The following ITGA8 variants were observed in gnomAD, a reference collection of about 807,000 sequenced individuals.
ITGA8 encodes integrin subunit alpha 8.
A neutral mutation model predicts 142.3 loss-of-function variants in ITGA8; 91 were observed. That is an observed-to-expected ratio of 0.64 (90% CI 0.54 to 0.76). ITGA8 has a LOEUF of 0.76. Ranked by LOEUF, ITGA8 falls within the 30% of genes least tolerant of loss-of-function variation. The probability of loss-of-function intolerance (pLI) is 0.00; values close to 1 mark genes in which losing one functional copy is unlikely to be tolerated. For missense variants in ITGA8, 1,406 were observed against 1,327.7 expected (o/e 1.06, Z -0.92); for synonymous variants, 505 against 485.2 (o/e 1.04, Z -0.54).
chr10:15,666,395 T>G (rs1008849296), intron 8 of ITGA8, among the ~76,000 whole-genome samples: 1 of 152,230 alleles, frequency 6.6e-6, no homozygotes, highest in Non-Finnish European at 1.5e-5. Flanking sequence ...CTGAAGTTGC[T>G]TATCAGCTTG....
At chr10:15,627,935 C>G (rs1194367288) in intron 13 of ITGA8, among the ~76,000 whole-genome samples, 1 of 150,766 alleles carries the variant, frequency 6.6e-6, no homozygotes, top group Non-Finnish European at 1.5e-5. Context: ...AGAAGTCGGT[C>G]AAAACCACCA....
At chr10:15,719,001 G>C in intron 1 of ITGA8, 102 bp from the exon 2 acceptor site, 1 of 1,533,746 alleles carries the variant, frequency 6.5e-7, no homozygotes, top group Non-Finnish European at 8.9e-7. Flanking sequence ...GGGCAGGCGT[G>C]GAGGGCATGA....
rs1834272555 is a variant in ITGA8, at chr10:15,660,888, A to T, written c.882T>A (p.Asn294Lys). The T allele has an allele frequency of 6.2e-7, 1 of 1,613,598 alleles. No homozygotes were observed. Among genetic ancestry groups the T allele is most frequent in the South Asian group, 1.1e-5 (1 of 91,078 alleles). ...CATTCTCAGTACTCACATATCCAAA[A>T]TTCTGTGCTCCTCTTGGAATTCCAG... Reference protein sequence around the residue: ...LVAGIPRGAQNFGYVSIINST... With the variant: ...LVAGIPRGAQKFGYVSIINST... The change falls in exon 9 of 30, where the codon AAT (asparagine) becomes AAA (lysine). Residue 294 changes from asparagine (N) to lysine (K), a missense_variant. Physicochemically the swap from Asn to Lys is moderately conservative, Grantham distance 94. Coordinates refer to ENST00000378076, the MANE Select transcript of ITGA8 (RefSeq NM_003638.3).
At chr10:15,698,907 TC>T in intron 2 of ITGA8, among the ~76,000 whole-genome samples, 1 of 152,328 alleles carries the variant, frequency 6.6e-6, no homozygotes, top group Admixed American at 6.5e-5. Context: ...CAGAGTCTTT[TC>T]AGTTTAATTA....
At chr10:15,688,729 T>A (rs1834878820) in intron 2 of ITGA8, among the ~76,000 whole-genome samples, 1 of 152,126 alleles carries the variant, frequency 6.6e-6, no homozygotes, top group South Asian at 2.1e-4. Context: ...CCCACATTAA[T>A]GAGATGAAGG....
chr10:15,606,136 C>T, intron 18 of ITGA8, 149 bp downstream of exon 18: 1 of 679,674 alleles, frequency 1.5e-6, no homozygotes, highest in Non-Finnish European at 2.4e-6. Flanking sequence ...TGCAGTGTTT[C>T]AGGAAACATG....
intron 11 of ITGA8, among the ~76,000 whole-genome samples, chr10:15,651,849 T>A (rs896812184): frequency 1.3e-5 from 2 of 152,138 alleles, no homozygotes; most frequent in Admixed American, 1.3e-4. Flanking sequence ...GCATCTTTCT[T>A]TGGCCAATCT....
rs9333166 is a variant in ITGA8, at chr10:15,604,226, T to C, written c.2100A>G (p.Gly700=). Residue 700 remains glycine, a synonymous_variant, in exon 20 of 30, where the codon GGA becomes GGG. Transcript: ENST00000378076. The part of the protein sequence containing the change: ...VMIPEEADYV[G]IERNNKGFRP... ...GCATTACCTTGTTGTTGCGTTCGAT[T>C]CCAACATAATCTGCCTCTTCTGGTA... 3.7e-3 allele frequency: 5,980 copies of C among 1,611,174 alleles called. 181 individuals carry two copies. The African/African-American group carries it at 0.065, about 17-fold the overall frequency.
At chr10:15,573,803 A>G (rs1195870892) in intron 24 of ITGA8, among the ~76,000 whole-genome samples, 1 of 152,084 alleles carries the variant, frequency 6.6e-6, no homozygotes, top group African/African-American at 2.4e-5. Flanking sequence ...ACATGGTTTT[A>G]CCAAAATTCC....
intron 8 of ITGA8, 22 bp downstream of exon 8, chr10:15,671,581 T>C (rs778459857): frequency 1.0e-5 from 16 of 1,601,190 alleles, no homozygotes; most frequent in Non-Finnish European, 1.4e-5. Flanking sequence ...ATAAGTGATT[T>C]AAACTCAACA....
chr10:15,585,785 T>G (rs898817005), intron 23 of ITGA8, among the ~76,000 whole-genome samples: 1 of 152,136 alleles, frequency 6.6e-6, no homozygotes, highest in African/African-American at 2.4e-5. Context: ...TCTCAGTTGA[T>G]TGCTTATTGG....
At chr10:15,672,836 G>T (rs1356607136) in intron 6 of ITGA8, 87 bp from the exon 7 acceptor site, 10 of 1,350,354 alleles carry the variant, frequency 7.4e-6, no homozygotes, top group Non-Finnish European at 9.8e-6. Flanking sequence ...TGAAAGCTAT[G>T]GTGGAATTGC....
chr10:15,569,590 C>A (rs1221970327), intron 25 of ITGA8, among the ~76,000 whole-genome samples: 1 of 152,098 alleles, frequency 6.6e-6, no homozygotes, highest in East Asian at 1.9e-4. Context: ...ACTAACTATA[C>A]AATTTTTTTA....
chr10:15,595,549 T>A (rs1163106913), intron 21 of ITGA8, among the ~76,000 whole-genome samples: 2 of 152,230 alleles, frequency 1.3e-5, no homozygotes, highest in Non-Finnish European at 2.9e-5. Flanking sequence ...TACTTTCACA[T>A]AAACACATTT....
intron 25 of ITGA8, among the ~76,000 whole-genome samples, chr10:15,567,929 T>G (rs1235482352): frequency 1.3e-5 from 2 of 152,142 alleles, no homozygotes; most frequent in Non-Finnish European, 1.5e-5. Flanking sequence ...TTTATTTGTT[T>G]AGAGGCAGGA....
intron 15 of ITGA8, 120 bp from the exon 16 acceptor site, chr10:15,608,410 CA>C (rs1833237035): frequency 3.4e-6 from 2 of 586,172 alleles, no homozygotes; most frequent in East Asian, 3.0e-5. Flanking sequence ...ATTACACACA[CA>C]CACACACACA....
intron 13 of ITGA8, among the ~76,000 whole-genome samples, chr10:15,640,881 G>T (rs1174125178): frequency 1.3e-5 from 2 of 152,188 alleles, no homozygotes; most frequent in Admixed American, 1.3e-4. Flanking sequence ...AATGGAACGA[G>T]CCACAGAAGC....
chr10:15,620,294 T>A (rs1033659164), intron 13 of ITGA8, among the ~76,000 whole-genome samples: 5 of 113,122 alleles, frequency 4.4e-5, no homozygotes, highest in Non-Finnish European at 9.4e-5. Context: ...CATGTATACT[T>A]GAAGGTGTTG....
chr10:15,565,198 G>A (rs1834055974), intron 25 of ITGA8, among the ~76,000 whole-genome samples: 1 of 152,196 alleles, frequency 6.6e-6, no homozygotes, highest in African/African-American at 2.4e-5. Flanking sequence ...ATCACAGGTA[G>A]CATTCCCATA....
Sources: gnomAD v4.1 joint callset for allele counts (sites outside exome capture counted in the v4.1 genomes callset) on GRCh38, gnomAD v4.1.1 for gene constraint, MANE v1.5 for transcripts, NCBI Gene and HGNC (gene_info 2026-07-23, HGNC 2026-07-21) for gene names.